The following NFATC2IP variants were observed in gnomAD, a reference collection of about 807,000 sequenced individuals.
NFATC2IP encodes the protein nuclear factor of activated T cells 2 interacting protein, also known as NFATC2-interacting protein.
Under a neutral mutation model 40.2 loss-of-function variants are expected in NFATC2IP, and 25 were observed. The ratio of observed to expected loss-of-function variants is 0.62; its 90% CI spans 0.45 to 0.87. The LOEUF (loss-of-function observed/expected upper bound fraction) is 0.87, where lower values mean the gene tolerates loss of function less well. NFATC2IP is among the 40% of genes least tolerant of loss of function. NFATC2IP has a pLI of 0.00. For missense variants in NFATC2IP, 553 were observed against 555.6 expected (o/e 1.00, Z 0.05); for synonymous variants, 241 against 236.3 (o/e 1.02, Z -0.18).
In NFATC2IP at chr16:28,956,259, C is replaced by T; in HGVS notation, c.768C>T (p.Pro256=). The T allele has an allele frequency of 6.2e-7, 1 of 1,613,938 alleles. No homozygotes were observed. The highest frequency in any genetic ancestry group is 8.5e-7 in the Non-Finnish European group (1 of 1,179,858). ...ATGAAGTGGTCTTGGTGGAAGGGCC[C>T]ACCCTCCCAGAGACCCCCCGACTCT... The part of the protein sequence containing the change: ...QEDEVVLVEG[P]TLPETPRLFP... Residue 256 remains proline (P), a synonymous_variant, in exon 5 of 8, where the codon CCC becomes CCT. Transcript: ENST00000320805.
In NFATC2IP at chr16:28,954,676, A is replaced by G; in HGVS notation, c.572A>G (p.Glu191Gly). The part of the protein sequence containing the change: ...TKDKEEKKKT[E>G]FLDLDNSPLS... ...GATAAAGAAGAGAAGAAAAAGACAG[A>G]GTTTCTGTGAGTGAGGCCAGGGCCC... The change falls in exon 3 of 8, where the codon GAG becomes GGG. Residue 191 changes from glutamate (E) to glycine (G), a missense_variant. Coordinates refer to ENST00000320805, the MANE Select transcript of NFATC2IP (RefSeq NM_032815.4). 6.2e-7 allele frequency: 1 copy of G among 1,604,364 alleles called. No individual in the cohort carries two copies.
Position 28,959,050 on chromosome 16 carries a change from C to CG in NFATC2IP, c.1054dup (p.Val352GlyfsTer28), listed in dbSNP as rs1567513866. 2 of 1,614,028 alleles carry CG rather than the reference C, an allele frequency of 1.2e-6. No homozygotes were observed. The highest frequency in any genetic ancestry group is 1.7e-6 in the Non-Finnish European group (2 of 1,179,916). ...AGAGACGTCCCAACAGCTCCAGCTCCGGGTGCAGGGAAAGGAGAAACACCA... is the reference window on the plus strand; with the variant it reads ...AGAGACGTCCCAACAGCTCCAGCTCCGGGGTGCAGGGAAAGGAGAAACACCA... On this transcript the variant is annotated frameshift_variant, in exon 7 of 8. Transcript: ENST00000320805. LOFTEE classifies it high-confidence loss of function.
intron 2 of NFATC2IP, among the ~76,000 whole-genome samples, chr16:28,954,130 C>T (rs548409777): frequency 1.3e-5 from 2 of 152,202 alleles, no homozygotes; most frequent in African/African-American, 4.8e-5. Flanking sequence ...CCTCGCCCTC[C>T]ACATTTTGAT....
intron 3 of NFATC2IP, 86 bp from the exon 4 acceptor site, chr16:28,955,892 C>T: frequency 1.8e-6 from 2 of 1,107,470 alleles, no homozygotes; most frequent in Non-Finnish European, 2.7e-6. Context: ...TCCGACTATG[C>T]TTGATTGTCC....
chr16:28,952,892 G>A (rs138311190), intron 2 of NFATC2IP, among the ~76,000 whole-genome samples: 8 of 151,944 alleles, frequency 5.3e-5, no homozygotes, highest in African/African-American at 1.7e-4. Context: ...TTCCCACCAC[G>A]CCTGGCTAAT....
At chr16:28,957,642 C>CT (rs1965036141) in intron 5 of NFATC2IP, 1 of 149,228 alleles carries the variant, frequency 6.7e-6, no homozygotes, top group Non-Finnish European at 1.5e-5. Context: ...GACCTTGTCT[C>CT]TTAAAAAAAA....
rs749100568 is a variant in NFATC2IP at position 28,963,836 on chromosome 16, TGG to T, written c.1236_1237del (p.Asp413ProfsTer3). On this transcript the variant is annotated frameshift_variant, in exon 8 of 8. Coordinates refer to ENST00000320805, the MANE Select transcript of NFATC2IP (RefSeq NM_032815.4). LOFTEE classifies it high-confidence loss of function. ...TGCCAGCTGACCTGGGCATGGAATC[TGG>T]GGACCTCATTGAGGTCTGGGGCTGA... ...ELPADLGMES[G>X]DLIEVWG The T allele has an allele frequency of 8.7e-6, 14 of 1,614,104 alleles. No individual in the cohort carries two copies. The highest frequency in any genetic ancestry group is 1.7e-5 in the Admixed American group (1 of 60,002).
chr16:28,951,421 G>C, intron 1 of NFATC2IP, 23 bp downstream of exon 1: 1 of 1,382,342 alleles, frequency 7.2e-7, no homozygotes, highest in South Asian at 1.7e-5. Flanking sequence ...CCGGGGAGGG[G>C]ACCGGCGGAA....
intron 2 of NFATC2IP, chr16:28,952,429 G>A (rs1014938908): frequency 1.6e-6 from 1 of 624,956 alleles, no homozygotes; most frequent in Admixed American, 3.5e-5. Flanking sequence ...CTGTAGTCCT[G>A]GGCGGGGCAG....
rs762907430 is a variant in NFATC2IP, at chr16:28,958,689, C to G, written c.847-28C>G. 12 of 1,590,738 alleles carry G rather than the reference C, an allele frequency of 7.5e-6. No individual in the cohort carries two copies. The East Asian group carries it at 2.7e-4, about 36-fold the overall frequency. ...GGCATGGATTTCAAGGCAGGAAGAC[C>G]TCTTTTGCTTGTTGTCCCCATCCCT... On this transcript the variant is annotated intron_variant, in intron 5 of 7. Transcript: ENST00000320805.
At chr16:28,951,980 G>A (rs181248669) in intron 1 of NFATC2IP, 152 bp from the exon 2 acceptor site, 21 of 869,474 alleles carry the variant, frequency 2.4e-5, no homozygotes, top group Non-Finnish European at 3.4e-5. Flanking sequence ...TCCTGGGGAA[G>A]CTGGACTTCT....
Position 28,959,110 on chromosome 16 carries a change from A to C in NFATC2IP, c.1101+10A>C, listed in dbSNP as rs761668962. 6 of 1,540,816 alleles carry C rather than the reference A, an allele frequency of 3.9e-6. No homozygotes were observed. In the South Asian group the frequency reaches 6.7e-5, roughly 17 times the overall value. ...AGTCTCACTGTCTCGAGTGAGTGGG[A>C]GAGATGGCTCTCCACGCCCCTCACC... On this transcript the variant is annotated intron_variant, in intron 7 of 7. Transcript: ENST00000320805.
In NFATC2IP at chr16:28,959,823, C is replaced by T. The variant is rs542148996; in HGVS notation, c.1101+723C>T. 1.1e-4 allele frequency among the ~76,000 whole-genome samples: 16 copies of T among 152,276 alleles called. No homozygotes were observed. In the South Asian group the frequency reaches 2.9e-3, roughly 28 times the overall value. Reference sequence around the variant, plus strand: ...CCTCAAGTGAGCCACCCACCTTGGCCTCCCAAAGTGTTGGGATTACAGGTG... The same window carrying T: ...CCTCAAGTGAGCCACCCACCTTGGCTTCCCAAAGTGTTGGGATTACAGGTG... On this transcript the variant is annotated intron_variant, in intron 7 of 7. Coordinates refer to ENST00000320805, the MANE Select transcript of NFATC2IP (RefSeq NM_032815.4).
intron 5 of NFATC2IP, chr16:28,956,543 G>T: frequency 1.8e-6 from 1 of 568,010 alleles, no homozygotes; most frequent in African/African-American, 1.9e-5. Context: ...CTCTCTTTCT[G>T]GCAAACTTTC....
chr16:28,959,571 ATTTTT>A (rs61432973), intron 7 of NFATC2IP, among the ~76,000 whole-genome samples: 12 of 114,628 alleles, frequency 1.0e-4, no homozygotes, highest in Non-Finnish European at 1.9e-4. Flanking sequence ...TGGTGCAGTC[ATTTTT>A]TTTTTTTTTT....
Position 28,951,034 on chromosome 16 carries a change from G to T in NFATC2IP, c.23G>T (p.Arg8Leu), listed in dbSNP as rs1964958044. Residue 8 changes from arginine to leucine, a missense_variant, in exon 1 of 8, where the codon CGG becomes CTG. Physicochemically the swap from Arg to Leu is moderately radical, Grantham distance 102. Coordinates refer to ENST00000320805, the MANE Select transcript of NFATC2IP (RefSeq NM_032815.4). MAEPVGK[R>L]GRWSGGSGAG... ...GCCATGGCGGAGCCTGTGGGGAAGC[G>T]GGGCCGCTGGTCCGGAGGTAGCGGT... The T allele has an allele frequency of 1.3e-6, 2 of 1,526,094 alleles. No individual in the cohort carries two copies. The highest frequency in any genetic ancestry group is 1.4e-5 in the African/African-American group (1 of 71,790). The allele number at this position is 1,526,094 out of a possible 1,614,324, so 94.5% of individuals were successfully genotyped here.
At chr16:28,952,243 G>T in intron 2 of NFATC2IP, 39 bp downstream of exon 2, 1 of 1,612,136 alleles carries the variant, frequency 6.2e-7, no homozygotes, top group Non-Finnish European at 8.5e-7. Context: ...GCAGCCGCTG[G>T]CTTCTCTTAA....
Position 28,954,985 on chromosome 16 carries a change from C to T in NFATC2IP, c.578+303C>T, listed in dbSNP as rs1965005444. On this transcript the variant is annotated intron_variant, in intron 3 of 7. Transcript: ENST00000320805. Reference sequence around the variant, plus strand: ...TGCTTCTCTTTCTTCATCTATAAAACCCCGTTTTATAGCCTGGGAAACATA... The same window carrying T: ...TGCTTCTCTTTCTTCATCTATAAAATCCCGTTTTATAGCCTGGGAAACATA... 2.6e-5 allele frequency among the ~76,000 whole-genome samples: 4 copies of T among 152,098 alleles called. No individual in the cohort carries two copies. In the South Asian group the frequency reaches 8.3e-4, roughly 32 times the overall value.
At chr16:28,958,169 G>A (rs976286223) in intron 5 of NFATC2IP, among the ~76,000 whole-genome samples, 1 of 151,872 alleles carries the variant, frequency 6.6e-6, no homozygotes, top group Non-Finnish European at 1.5e-5. Context: ...AGAAGATGTG[G>A]CCAGGTGCGG....
Sources: allele counts gnomAD v4.1 joint callset (sites outside exome capture counted in the v4.1 genomes callset), GRCh38; gene constraint gnomAD v4.1.1; transcripts MANE v1.5; gene names NCBI Gene and HGNC (gene_info 2026-07-23, HGNC 2026-07-21).